VKORC1L1: variants seen among roughly 807,000 people sequenced by gnomAD.
The protein encoded by VKORC1L1 is vitamin K epoxide reductase complex subunit 1-like protein 1.
A neutral mutation model predicts 18.9 loss-of-function variants in VKORC1L1; 2 were observed. The observed-to-expected ratio is 0.11, with a 90% confidence interval of 0.04 to 0.33. The LOEUF is 0.33. VKORC1L1 is among the 10% of genes least tolerant of loss of function. VKORC1L1 has a pLI of 1.00. For missense variants in VKORC1L1, 123 were observed against 224.1 expected, an observed-to-expected ratio of 0.55 and a Z score of 2.88; for synonymous variants, 96 against 100.0, an observed-to-expected ratio of 0.96 and a Z score of 0.24.
chr7:65,891,024 C>A (rs1266434772), intron 1 of VKORC1L1, among the ~76,000 whole-genome samples: 6 of 151,956 alleles, frequency 3.9e-5, no homozygotes, highest in Admixed American at 2.0e-4. Context: ...ATGCGTTTGG[C>A]CTGTTTTTGA....
intron 1 of VKORC1L1, among the ~76,000 whole-genome samples, chr7:65,941,304 C>T (rs1176418797): frequency 3.3e-5 from 5 of 151,798 alleles, no homozygotes; most frequent in African/African-American, 1.2e-4. Context: ...TAGGTAGCGA[C>T]AGAGTCTCAT....
chr7:65,872,036 C>A (rs897818169), upstream of VKORC1L1, among the ~76,000 whole-genome samples: 13 of 152,236 alleles, frequency 8.5e-5, no homozygotes, highest in African/African-American at 3.1e-4. Context: ...CTCCAAGAAC[C>A]CTGTGTTTCT....
chr7:65,896,703 G>A lies in VKORC1L1; in HGVS notation c.194+23138G>A, dbSNP rs187574524. On this transcript the variant is annotated intron_variant, in intron 1 of 2. Coordinates refer to ENST00000360768, the MANE Select transcript of VKORC1L1 (RefSeq NM_173517.6). Reference sequence around the variant, plus strand: ...CAGAAAAAAAAGTTGATGAATTTGCGTAAAAACAGACACGCTGCTGGGCCT... The same window carrying A: ...CAGAAAAAAAAGTTGATGAATTTGCATAAAAACAGACACGCTGCTGGGCCT... 2.6e-3 allele frequency among the ~76,000 whole-genome samples: 401 copies of A among 151,918 alleles called. 2 individuals are homozygous for A. The highest frequency in any genetic ancestry group is 9.2e-3 in the African/African-American group (381 of 41,378).
chr7:65,898,985 T>C (rs1789263965), intron 1 of VKORC1L1, among the ~76,000 whole-genome samples: 1 of 152,244 alleles, frequency 6.6e-6, no homozygotes, highest in Non-Finnish European at 1.5e-5. Context: ...ATTTTGTGAC[T>C]TTTGAATACT....
chr7:65,925,021 A>T (rs1013236204), intron 1 of VKORC1L1, among the ~76,000 whole-genome samples: 1 of 151,878 alleles, frequency 6.6e-6, no homozygotes, highest in Non-Finnish European at 1.5e-5. Flanking sequence ...TCCATCCGTA[A>T]TCTTCCCTTT....
intron 1 of VKORC1L1, among the ~76,000 whole-genome samples, chr7:65,894,388 A>G (rs1313651959): frequency 2.6e-5 from 4 of 152,122 alleles, no homozygotes; most frequent in African/African-American, 4.8e-5. Flanking sequence ...TTGTTACACA[A>G]TTTTGTGTAT....
In VKORC1L1 at chr7:65,906,940, T is replaced by C. The variant is rs561821479; in HGVS notation, c.194+33375T>C. On this transcript the variant is annotated intron_variant, in intron 1 of 2. Coordinates refer to ENST00000360768, the MANE Select transcript of VKORC1L1 (RefSeq NM_173517.6). ...CTTGAACTTGTACTGGTGCTAATTA[T>C]GGGTTTTTTCCTAGTAGTATTTACA... Among the ~76,000 whole-genome samples the C allele has an allele frequency of 2.0e-4, 30 of 152,266 alleles. 1 individual carries two copies. The South Asian group carries it at 6.2e-3, about 32-fold the overall frequency.
chr7:65,891,717 G>A (rs766044544), intron 1 of VKORC1L1, among the ~76,000 whole-genome samples: 8 of 151,934 alleles, frequency 5.3e-5, no homozygotes, highest in Non-Finnish European at 1.0e-4. Context: ...GGGTAGATGT[G>A]GTATTTTGAT....
intron 1 of VKORC1L1, among the ~76,000 whole-genome samples, chr7:65,917,670 T>C (rs1323161269): frequency 6.6e-6 from 1 of 152,246 alleles, no homozygotes; most frequent in Admixed American, 6.5e-5. Flanking sequence ...ATTTCACTTG[T>C]ACTTGCATTT....
chr7:65,878,439 C>G (rs1248088291), intron 1 of VKORC1L1, among the ~76,000 whole-genome samples: 2 of 151,272 alleles, frequency 1.3e-5, no homozygotes, highest in African/African-American at 4.9e-5. Context: ...AAGAGGGAAA[C>G]TCTGTCTTAC....
intron 1 of VKORC1L1, among the ~76,000 whole-genome samples, chr7:65,925,541 A>G (rs913940299): frequency 2.6e-5 from 4 of 152,164 alleles, no homozygotes; most frequent in African/African-American, 9.7e-5. Context: ...GTTTCAGAGT[A>G]TGATGTTTTT....
chr7:65,931,548 C>T (rs1271595234), intron 1 of VKORC1L1, among the ~76,000 whole-genome samples: 2 of 151,630 alleles, frequency 1.3e-5, no homozygotes, highest in African/African-American at 2.4e-5. Context: ...CTAGTGATAT[C>T]CCTTCTTTCA....
chr7:65,874,106 C>A (rs1788784473), intron 1 of VKORC1L1, among the ~76,000 whole-genome samples: 1 of 152,152 alleles, frequency 6.6e-6, no homozygotes. Flanking sequence ...CGTGGTCAGG[C>A]CTCTTTGTAC....
At chr7:65,928,519 C>T (rs780989037) in intron 1 of VKORC1L1, among the ~76,000 whole-genome samples, 2 of 152,116 alleles carry the variant, frequency 1.3e-5, no homozygotes, top group Admixed American at 6.5e-5. Flanking sequence ...CTTTGAGTCT[C>T]ACTTTGTTCA....
intron 1 of VKORC1L1, among the ~76,000 whole-genome samples, chr7:65,886,639 G>A (rs1487040861): frequency 3.3e-5 from 5 of 151,866 alleles, no homozygotes; most frequent in African/African-American, 9.7e-5. Flanking sequence ...CCGAGTTCAC[G>A]CCGTTCTCCT....
chr7:65,943,554 T>C (rs1274472166), intron 1 of VKORC1L1, among the ~76,000 whole-genome samples: 1 of 152,102 alleles, frequency 6.6e-6, no homozygotes, highest in Non-Finnish European at 1.5e-5. Context: ...TTTTAGACTT[T>C]CCAAGGTCCA....
chr7:65,939,408 G>T (rs779761475), intron 1 of VKORC1L1, among the ~76,000 whole-genome samples: 5 of 152,202 alleles, frequency 3.3e-5, no homozygotes, highest in Non-Finnish European at 5.9e-5. Context: ...CCATGATGGT[G>T]GTGGATATGG....
rs150255530 is a variant in VKORC1L1 at position 65,929,680 on chromosome 7, G to GTATATATATATATATA, written c.195-18990_195-18989insATATATATATATATAT. ...TATGTGTGTGTGTGTATGTGTGTGT[G>GTATATATATATATATA]TGTATATATATATATATATATATGG... On this transcript the variant is annotated intron_variant, in intron 1 of 2. Transcript: ENST00000360768. Among the ~76,000 whole-genome samples, 344 of 103,666 alleles carry GTATATATATATATATA rather than the reference G, an allele frequency of 3.3e-3. 2 individuals carry two copies. Among genetic ancestry groups the GTATATATATATATATA allele is most frequent in the Admixed American group, 0.012 (104 of 8,986 alleles). The allele number at this position is 103,666 out of a possible 152,430, so 68.0% of individuals were successfully genotyped here. A position where few individuals can be genotyped will look rare whatever the true frequency, so the allele number is the denominator to read the frequency against.
At chr7:65,940,226 T>C (rs1469302260) in intron 1 of VKORC1L1, among the ~76,000 whole-genome samples, 1 of 152,114 alleles carries the variant, frequency 6.6e-6, no homozygotes, top group Non-Finnish European at 1.5e-5. Flanking sequence ...GGTCTCACCA[T>C]GTTGCCCAGG....
Sources: gnomAD v4.1 joint callset for allele counts (sites outside exome capture counted in the v4.1 genomes callset) on GRCh38, gnomAD v4.1.1 for gene constraint, MANE v1.5 for transcripts, NCBI Gene and HGNC (gene_info 2026-07-23, HGNC 2026-07-21) for gene names.